Variants in GNAI2 observed in about 807,000 individuals in gnomAD.
GNAI2 encodes the protein guanine nucleotide-binding protein G(i) subunit alpha-2.
In GNAI2, 4 loss-of-function variants were observed where a neutral mutation model predicts 36.8. The observed-to-expected ratio is 0.11, with a 90% CI of 0.05 to 0.25. GNAI2 has a LOEUF of 0.25. Ranked by LOEUF, GNAI2 falls within the 10% of genes least tolerant of loss-of-function variation. The pLI, the probability that GNAI2 is intolerant of heterozygous loss-of-function variation, is 1.00. For missense variants in GNAI2, 230 were observed against 481.3 expected (o/e 0.48, Z 4.89); for synonymous variants, 194 against 194.1 (o/e 1.00, Z 0.01).
chr3:50,244,920 G>A (rs1287158801), intron 1 of GNAI2, among the ~76,000 whole-genome samples: 1 of 152,154 alleles, frequency 6.6e-6, no homozygotes, highest in Non-Finnish European at 1.5e-5. Flanking sequence ...GGTCCCAGAG[G>A]GTCCAGTTCC....
In GNAI2 at chr3:50,253,334, T is replaced by C. The variant is rs1399588833; in HGVS notation, c.464+150T>C. The C allele has an allele frequency of 1.9e-5, 12 of 631,258 alleles. No individual in the cohort carries two copies. The highest frequency in any genetic ancestry group is 2.8e-5 in the Admixed American group (1 of 35,874). 39.1% of individuals were successfully genotyped at this position (631,258 alleles called of 1,614,324 possible). On this transcript the variant is annotated intron_variant, in intron 4 of 8. Coordinates refer to ENST00000313601, the MANE Select transcript of GNAI2 (RefSeq NM_002070.4). This position sits in a 1 kb window ranked among gnomAD's most constrained non-coding sequence, Gnocchi z 4.2. ...TAACCAAGGCCTTCCTGTTTTTTGG[T>C]TTGGGGGGTGGGTGGGTGTCACGTT...
chr3:50,235,608 C>G (rs907510474), upstream of GNAI2, among the ~76,000 whole-genome samples: 1 of 152,214 alleles, frequency 6.6e-6, no homozygotes, highest in Non-Finnish European at 1.5e-5. Flanking sequence ...GCGTGAGCCA[C>G]TGCGCCCGGC....
In GNAI2 at chr3:50,241,142, G is replaced by A. The variant is rs1553701069; in HGVS notation, c.118+4689G>A. On this transcript the variant is annotated intron_variant, in intron 1 of 8. Coordinates refer to ENST00000313601, the MANE Select transcript of GNAI2 (RefSeq NM_002070.4). The surrounding 1 kb of genome is among the most constrained non-coding windows in gnomAD (Gnocchi z 5.0). ...TGACAGACTGCCCTGGGGACCTTAG[G>A]CCCAACCTCTGGGGGTCTAGGTTTG... is the stretch of plus-strand genomic sequence containing the variant. 6.6e-6 allele frequency among the ~76,000 whole-genome samples: 1 copy of A among 152,124 alleles called. No individual in the cohort carries two copies. Among genetic ancestry groups the A allele is most frequent in the South Asian group, 2.1e-4 (1 of 4,822 alleles).
chr3:50,254,136 AC>A (rs1415610402), intron 4 of GNAI2, among the ~76,000 whole-genome samples: 1 of 152,142 alleles, frequency 6.6e-6, no homozygotes, highest in Non-Finnish European at 1.5e-5. Flanking sequence ...CAGAGGCATG[AC>A]AAGCCTGCAC....
chr3:50,230,997 G>C (rs1230927986), exon 1 of GNAI2: 160 of 981,932 alleles, frequency 1.6e-4, no homozygotes, highest in Non-Finnish European at 1.9e-4. Context: ...GCAAAGCAAG[G>C]GGTTTGTTTC....
Position 50,242,550 on chromosome 3 carries a change from C to T in GNAI2, c.118+6097C>T, listed in dbSNP as rs587690181. On this transcript the variant is annotated intron_variant, in intron 1 of 8. Coordinates refer to ENST00000313601, the MANE Select transcript of GNAI2 (RefSeq NM_002070.4). This position sits in a 1 kb window ranked among gnomAD's most constrained non-coding sequence, Gnocchi z 4.8. The stretch of plus-strand genomic sequence containing the variant: ...CAGCTACAGGTGCAGGGTGGAACCC[C>T]GTCTGCCCAGCCCCACCCAGCCCTT... Among the ~76,000 whole-genome samples the T allele has an allele frequency of 6.6e-5, 10 of 152,210 alleles. No homozygotes were observed. In the East Asian group the frequency reaches 1.5e-3, roughly 24 times the overall value.
At chr3:50,257,758 C>A (rs587710244) in intron 8 of GNAI2, 44 bp downstream of exon 8, 2 of 545,806 alleles carry the variant, frequency 3.7e-6, no homozygotes, top group Non-Finnish European at 5.0e-6. Flanking sequence ...AAGAACTAAG[C>A]GGGCCTGGAG....
intron 1 of GNAI2, among the ~76,000 whole-genome samples, chr3:50,243,969 G>A (rs1421024775): frequency 1.3e-5 from 2 of 151,398 alleles, no homozygotes; most frequent in Non-Finnish European, 2.9e-5. Flanking sequence ...TGGGACCCAA[G>A]ACTCTGTGTA....
Position 50,236,368 on chromosome 3 carries a change from G to A in GNAI2, c.33G>A (p.Ala11=). MGCTVSAEDK[A]AAERSKMIDK... ...GCACCGTGAGCGCCGAGGACAAGGC[G>A]GCGGCCGAGCGCTCTAAGATGATCG... Residue 11 remains alanine (A), a synonymous_variant, in exon 1 of 9, where the codon GCG becomes GCA. Transcript: ENST00000313601. This position sits in a 1 kb window ranked among gnomAD's most constrained non-coding sequence, Gnocchi z 4.0. The A allele has an allele frequency of 6.5e-7, 1 of 1,542,854 alleles. No homozygotes were observed. The highest frequency in any genetic ancestry group is 8.7e-7 in the Non-Finnish European group (1 of 1,152,320).
At chr3:50,240,367 C>G (rs1057315352) in intron 1 of GNAI2, among the ~76,000 whole-genome samples, 2 of 152,226 alleles carry the variant, frequency 1.3e-5, no homozygotes, top group African/African-American at 2.4e-5. Flanking sequence ...AGCAGGAAGA[C>G]TTGGCCTGTA....
chr3:50,250,044 C>T (rs1040569057), intron 1 of GNAI2, among the ~76,000 whole-genome samples: 3 of 152,180 alleles, frequency 2.0e-5, no homozygotes, highest in Non-Finnish European at 4.4e-5. Context: ...AGGGACTGCA[C>T]GGTGGGCAAG....
chr3:50,227,239 G>A (rs1374088618), upstream of GNAI2: 2 of 1,207,234 alleles, frequency 1.7e-6, no homozygotes, highest in Non-Finnish European at 2.2e-6. The surrounding 1 kb of genome is among the most constrained non-coding windows in gnomAD (Gnocchi z 5.9). Context: ...GCGAGGTGGG[G>A]CCCCGCGCGG....
Position 50,236,374 on chromosome 3 carries a change from C to G in GNAI2, c.39C>G (p.Ala13=). The change falls in exon 1 of 9, where the codon GCC becomes GCG. Residue 13 remains alanine (A), a synonymous_variant. Coordinates refer to ENST00000313601, the MANE Select transcript of GNAI2 (RefSeq NM_002070.4). The surrounding 1 kb of genome is among the most constrained non-coding windows in gnomAD (Gnocchi z 4.0). ...CTVSAEDKAA[A]ERSKMIDKNL... Reference sequence around the variant, plus strand: ...TGAGCGCCGAGGACAAGGCGGCGGCCGAGCGCTCTAAGATGATCGACAAGA... The same window carrying G: ...TGAGCGCCGAGGACAAGGCGGCGGCGGAGCGCTCTAAGATGATCGACAAGA... 6.5e-7 allele frequency: 1 copy of G among 1,546,422 alleles called. No individual in the cohort carries two copies. The highest frequency in any genetic ancestry group is 2.7e-5 in the East Asian group (1 of 37,640).
In GNAI2 at chr3:50,258,505, C is replaced by A. The variant is rs116369548; in HGVS notation, c.*162C>A. On this transcript the variant is annotated 3_prime_UTR_variant, in exon 9 of 9. Transcript: ENST00000313601. Reference sequence around the variant, plus strand: ...CTCCCCCTGTCCCCTCAGCTCCAGACGTAGGGGAGGGGTTGCCACAGGCCT... The same window carrying A: ...CTCCCCCTGTCCCCTCAGCTCCAGAAGTAGGGGAGGGGTTGCCACAGGCCT... The A allele has an allele frequency of 3.9e-3, 644 of 166,158 alleles. 5 individuals are homozygous for A. Among genetic ancestry groups the A allele is most frequent in the African/African-American group, 0.015 (610 of 41,686 alleles). 10.3% of individuals were successfully genotyped at this position (166,158 alleles called of 1,614,324 possible).
At chr3:50,250,752 C>T (rs868938070) in intron 1 of GNAI2, among the ~76,000 whole-genome samples, 4 of 151,944 alleles carry the variant, frequency 2.6e-5, no homozygotes, top group Non-Finnish European at 5.9e-5. Context: ...AATACAGGCT[C>T]CTGGGCTGCA....
upstream of GNAI2, among the ~76,000 whole-genome samples, chr3:50,233,384 T>C (rs1575435298): frequency 6.6e-6 from 1 of 152,156 alleles, no homozygotes; most frequent in African/African-American, 2.4e-5. Flanking sequence ...CCCTGTTGCC[T>C]GGCAACTGTG....
At chr3:50,227,691 G>A (rs992215374), upstream of GNAI2, among the ~76,000 whole-genome samples, 1 of 152,244 alleles carries the variant, frequency 6.6e-6, no homozygotes, top group Non-Finnish European at 1.5e-5. This position sits in a 1 kb window ranked among gnomAD's most constrained non-coding sequence, Gnocchi z 5.9. Flanking sequence ...ACCTGGGGGA[G>A]GTGAAGAACT....
intron 1 of GNAI2, among the ~76,000 whole-genome samples, chr3:50,245,576 C>T (rs1418775771): frequency 6.6e-6 from 1 of 152,238 alleles, no homozygotes; most frequent in Non-Finnish European, 1.5e-5. Context: ...TCCAGGGAGA[C>T]GGTGCCAAAT....
At chr3:50,235,168 C>G (rs1700136876), upstream of GNAI2, 2 of 151,990 alleles carry the variant, frequency 1.3e-5, no homozygotes. Context: ...CTCCCTTTCT[C>G]CCTTGGGTCC....
Sources: allele counts gnomAD v4.1 joint callset (sites outside exome capture counted in the v4.1 genomes callset), GRCh38; gene constraint gnomAD v4.1.1; non-coding constraint Gnocchi (gnomAD v3.1); transcripts MANE v1.5; gene names NCBI Gene and HGNC (gene_info 2026-07-23, HGNC 2026-07-21).